The following TAFA1 variants were observed in gnomAD, a reference collection of about 807,000 sequenced individuals.
TAFA1 encodes TAFA chemokine like family member 1, also known as chemokine-like protein TAFA-1.
TAFA1 carries 4 observed loss-of-function variants against 18.5 expected under a neutral mutation model. The observed-to-expected ratio is 0.22, with a 90% CI of 0.11 to 0.49. The LOEUF (loss-of-function observed/expected upper bound fraction) is 0.49, where lower values mean the gene tolerates loss of function less well. TAFA1 is among the 20% of genes least tolerant of loss of function. The probability of loss-of-function intolerance (pLI) is 0.98; values close to 1 mark genes in which losing one functional copy is unlikely to be tolerated. For missense variants in TAFA1, 147 were observed against 169.0 expected (o/e 0.87, Z 0.72); for synonymous variants, 56 against 55.2 (o/e 1.01, Z -0.06).
intron 2 of TAFA1, among the ~76,000 whole-genome samples, chr3:68,113,450 C>T (rs1216568030): frequency 6.6e-6 from 1 of 152,000 alleles, no homozygotes. Flanking sequence ...AAAGGTAATA[C>T]AGTAAATGAT....
At position 68,230,010 on chromosome 3, in the gene TAFA1, A is replaced by T. The variant is rs112985893; in HGVS notation, c.119-187270A>T. On this transcript the variant is annotated intron_variant, in intron 2 of 4. Coordinates refer to ENST00000478136, the MANE Select transcript of TAFA1 (RefSeq NM_213609.4). ...ATGGATACACAAGAGTTGTACATGT[A>T]CATGGGGTACATGGGATATTTTAGC... is the stretch of plus-strand genomic sequence containing the variant. Among the ~76,000 whole-genome samples, 72 of 152,300 alleles carry T rather than the reference A, an allele frequency of 4.7e-4. 1 individual carries two copies. Among genetic ancestry groups the T allele is most frequent in the African/African-American group, 1.7e-3 (71 of 41,558 alleles).
rs142704140 is a variant in TAFA1, at chr3:68,101,022, T to A, written c.118+94278T>A. On this transcript the variant is annotated intron_variant, in intron 2 of 4. Transcript: ENST00000478136. ...GGAGGTTGATTTTATTTAATTTTTA[T>A]TTTAAGTTCAAGAGTACACGTGCAG... Among the ~76,000 whole-genome samples, 859 of 152,314 alleles carry A rather than the reference T, an allele frequency of 5.6e-3. 4 individuals carry two copies. Among genetic ancestry groups the A allele is most frequent in the Non-Finnish European group, 9.1e-3 (621 of 68,026 alleles).
chr3:68,088,570 C>G (rs1156892675), intron 2 of TAFA1, among the ~76,000 whole-genome samples: 1 of 152,152 alleles, frequency 6.6e-6, no homozygotes, highest in Non-Finnish European at 1.5e-5. Context: ...GTCAGTCTAG[C>G]AATTTTGAAC....
intron 2 of TAFA1, among the ~76,000 whole-genome samples, chr3:68,282,666 A>C (rs1034687151): frequency 2.0e-5 from 3 of 152,146 alleles, no homozygotes; most frequent in Non-Finnish European, 4.4e-5. Context: ...TCATAGCAAA[A>C]TCAAGGCTGG....
At chr3:68,512,880 A>G (rs2072870450) in intron 3 of TAFA1, among the ~76,000 whole-genome samples, 1 of 152,230 alleles carries the variant, frequency 6.6e-6, no homozygotes, top group Admixed American at 6.5e-5. Context: ...TTAGAAAAAA[A>G]TTCACCTTTG....
intron 2 of TAFA1, among the ~76,000 whole-genome samples, chr3:68,205,643 A>G (rs1422670852): frequency 6.6e-6 from 1 of 151,876 alleles, no homozygotes; most frequent in South Asian, 2.1e-4. Context: ...TCCTTCAACT[A>G]CTACATTTGT....
intron 3 of TAFA1, among the ~76,000 whole-genome samples, chr3:68,538,122 G>C (rs2073306001): frequency 6.6e-6 from 1 of 152,168 alleles, no homozygotes; most frequent in South Asian, 2.1e-4. Context: ...TCCTGAGTGT[G>C]TGGGTCTCAG....
intron 2 of TAFA1, among the ~76,000 whole-genome samples, chr3:68,081,581 G>A (rs1218798973): frequency 2.0e-5 from 3 of 152,192 alleles, no homozygotes; most frequent in Non-Finnish European, 4.4e-5. Flanking sequence ...CGTGTAAGGT[G>A]TCAATGTGCC....
At chr3:68,006,287 A>G (rs2106767072) in intron 1 of TAFA1, 1 of 206,348 alleles carries the variant, frequency 4.8e-6, no homozygotes, top group South Asian at 1.1e-4. Context: ...AGTGCCTGGG[A>G]TAACTATAGT....
chr3:68,429,491 A>T (rs1203364452), intron 3 of TAFA1, among the ~76,000 whole-genome samples: 1 of 151,888 alleles, frequency 6.6e-6, no homozygotes, highest in Admixed American at 6.6e-5. Flanking sequence ...TGGGCAGAAG[A>T]CAGGATCAGA....
chr3:68,366,261 C>T (rs2069571844), intron 2 of TAFA1, among the ~76,000 whole-genome samples: 1 of 151,972 alleles, frequency 6.6e-6, no homozygotes, highest in Non-Finnish European at 1.5e-5. Context: ...GGACACAGCC[C>T]AATAATATCA....
rs10566431 is a variant in TAFA1 at position 68,036,436 on chromosome 3, C to CAA, written c.118+29711_118+29712dup. ...CCTTGGCGACAGAGTGAGACTCTGT[C>CAA]AAAAAAAAAAAAAAAAAAAAGGAAT... On this transcript the variant is annotated intron_variant, in intron 2 of 4. Coordinates refer to ENST00000478136, the MANE Select transcript of TAFA1 (RefSeq NM_213609.4). Among the ~76,000 whole-genome samples the CAA allele has an allele frequency of 5.9e-3, 583 of 98,600 alleles. 22 individuals carry two copies. In the East Asian group the frequency reaches 0.12, roughly 21 times the overall value. The allele number at this position is 98,600 out of a possible 152,430, so 64.7% of individuals were successfully genotyped here.
intron 2 of TAFA1, among the ~76,000 whole-genome samples, chr3:68,329,878 C>T (rs920823563): frequency 6.6e-6 from 1 of 152,122 alleles, no homozygotes; most frequent in Non-Finnish European, 1.5e-5. Context: ...AAAATTAATT[C>T]ACCTGGTTCT....
At chr3:68,342,485 C>A (rs550188480) in intron 2 of TAFA1, among the ~76,000 whole-genome samples, 1 of 152,334 alleles carries the variant, frequency 6.6e-6, no homozygotes, top group Admixed American at 6.5e-5. Flanking sequence ...ATACGTCTTT[C>A]TCTTAACTAT....
In TAFA1 at chr3:68,297,649, T is replaced by C. The variant is rs78990873; in HGVS notation, c.119-119631T>C. ...AACCTCAGTGAAGTAGATAATATTA[T>C]TGGTCATTTTTGAAAATTATTTAAT... On this transcript the variant is annotated intron_variant, in intron 2 of 4. Transcript: ENST00000478136. Among the ~76,000 whole-genome samples the C allele has an allele frequency of 7.9e-3, 1,203 of 152,316 alleles. 48 individuals carry two copies. The East Asian group carries it at 0.097, about 12-fold the overall frequency.
chr3:68,392,938 T>C (rs1225585002), intron 2 of TAFA1, among the ~76,000 whole-genome samples: 1 of 151,808 alleles, frequency 6.6e-6, no homozygotes, highest in Non-Finnish European at 1.5e-5. Context: ...AACGTCACAA[T>C]TAAAAGAACT....
chr3:68,161,583 C>T (rs2106940490), intron 2 of TAFA1, among the ~76,000 whole-genome samples: 1 of 152,232 alleles, frequency 6.6e-6, no homozygotes, highest in Non-Finnish European at 1.5e-5. Flanking sequence ...AAATATAATT[C>T]ATTTTCAGCT....
At chr3:68,142,099 G>A (rs1370959103) in intron 2 of TAFA1, among the ~76,000 whole-genome samples, 3 of 152,148 alleles carry the variant, frequency 2.0e-5, no homozygotes, top group Non-Finnish European at 4.4e-5. Context: ...GATCCCACAT[G>A]GCATATTGGG....
intron 4 of TAFA1, among the ~76,000 whole-genome samples, chr3:68,543,710 C>G (rs536119584): frequency 2.0e-5 from 3 of 152,080 alleles, no homozygotes; most frequent in South Asian, 2.1e-4. Context: ...AGAGTAGAGT[C>G]TTCAACTCTA....
Sources: allele counts gnomAD v4.1 joint callset (sites outside exome capture counted in the v4.1 genomes callset), GRCh38; gene constraint gnomAD v4.1.1; transcripts MANE v1.5; gene names NCBI Gene and HGNC (gene_info 2026-07-23, HGNC 2026-07-21).